The following H6PD variants were observed in gnomAD, a reference collection of about 807,000 sequenced individuals.
H6PD encodes the protein hexose-6-phosphate dehydrogenase/glucose 1-dehydrogenase, also known as GDH/6PGL endoplasmic bifunctional protein.
Under a neutral mutation model 61.2 loss-of-function variants are expected in H6PD, and 48 were observed. The ratio of observed to expected loss-of-function variants is 0.78; its 90% CI spans 0.62 to 1.00. H6PD has a LOEUF of 1.00. Ranked by LOEUF, H6PD falls within the 50% of genes least tolerant of loss-of-function variation. The pLI, the probability that H6PD is intolerant of heterozygous loss-of-function variation, is 0.00. For synonymous variants in H6PD, 480 were observed against 457.9 expected (o/e 1.05, Z -0.62); for missense variants, 1,093 against 1,065.0 (o/e 1.03, Z -0.37).
intron 3 of H6PD, among the ~76,000 whole-genome samples, chr1:9,252,567 T>C (rs1410736664): frequency 1.3e-5 from 2 of 152,226 alleles, no homozygotes; most frequent in Middle Eastern, 3.2e-3. Context: ...GAGCTTTTTT[T>C]AAAATTGAGA....
intron 3 of H6PD, among the ~76,000 whole-genome samples, chr1:9,252,285 A>G (rs1387715797): frequency 1.3e-5 from 2 of 152,246 alleles, no homozygotes; most frequent in Non-Finnish European, 2.9e-5. Context: ...TCTATGTATT[A>G]GCAGTCTGCA....
intron 3 of H6PD, among the ~76,000 whole-genome samples, chr1:9,249,358 T>TA (rs952640848): frequency 6.6e-6 from 1 of 152,144 alleles, no homozygotes; most frequent in African/African-American, 2.4e-5. Context: ...ACACGGAAGA[T>TA]ATGAAAGACA....
At chr1:9,251,158 A>C (rs1035039620) in intron 3 of H6PD, among the ~76,000 whole-genome samples, 2 of 152,054 alleles carry the variant, frequency 1.3e-5, no homozygotes, top group Non-Finnish European at 2.9e-5. Context: ...CCCAGAGATG[A>C]CCCTGGCTGG....
At chr1:9,241,972 A>G (rs1050867113) in intron 1 of H6PD, among the ~76,000 whole-genome samples, 1 of 152,180 alleles carries the variant, frequency 6.6e-6, no homozygotes, top group African/African-American at 2.4e-5. Context: ...CTTGGTTAAC[A>G]TAGGTATTAT....
chr1:9,255,568 C>T (rs1444040558), intron 3 of H6PD, among the ~76,000 whole-genome samples: 1 of 152,170 alleles, frequency 6.6e-6, no homozygotes, highest in African/African-American at 2.4e-5. Context: ...AAGCATAAGC[C>T]ACTGTGCCAG....
chr1:9,240,328 A>G (rs1275565951), intron 1 of H6PD, among the ~76,000 whole-genome samples: 1 of 152,078 alleles, frequency 6.6e-6, no homozygotes, highest in African/African-American at 2.4e-5. Context: ...TTGGCTTCAT[A>G]TTTTAGTTCT....
At chr1:9,237,204 C>G (rs1640874200) in intron 1 of H6PD, among the ~76,000 whole-genome samples, 1 of 143,776 alleles carries the variant, frequency 7.0e-6, no homozygotes. Flanking sequence ...TCACCTCTAG[C>G]TGCTTGACCT....
Position 9,264,854 on chromosome 1 carries a change from C to T in H6PD, c.2361C>T (p.Asp787=), listed in dbSNP as rs766210010. The T allele has an allele frequency of 1.3e-5, 21 of 1,611,812 alleles. No homozygotes were observed. In the Middle Eastern group the frequency reaches 1.7e-3, roughly 132 times the overall value. The change falls in exon 5 of 5, where the codon GAC becomes GAT. Residue 787 remains aspartate (D), a synonymous_variant. Transcript: ENST00000377403. ...SGQLVWYMDY[D]AFLG is the part of the protein sequence containing the mutation. ...AGCTGGTGTGGTACATGGACTACGACGCCTTCCTGGGATGAGGGCGCCTGT... is the reference window on the plus strand; with the variant it reads ...AGCTGGTGTGGTACATGGACTACGATGCCTTCCTGGGATGAGGGCGCCTGT...
At chr1:9,243,329 C>T (rs924133916) in intron 1 of H6PD, among the ~76,000 whole-genome samples, 1 of 152,170 alleles carries the variant, frequency 6.6e-6, no homozygotes, top group African/African-American at 2.4e-5. Flanking sequence ...CTCAACTTCT[C>T]CATTTGTATT....
rs559416537 is a variant in H6PD, at chr1:9,265,859, G to A, written c.*990G>A. 59 of 152,290 alleles carry A rather than the reference G, an allele frequency of 3.9e-4. No homozygotes were observed. Among genetic ancestry groups the A allele is most frequent in the African/African-American group, 1.4e-3 (57 of 41,522 alleles). 9.4% of individuals were successfully genotyped at this position (152,290 alleles called of 1,614,324 possible). On this transcript the variant is annotated 3_prime_UTR_variant, in exon 5 of 5. Transcript: ENST00000377403. Reference sequence around the variant, plus strand: ...GATGACTTGCTCTGCGTGGGGAGGTGGGGTCTCATTCCCCCAACTTCCTCA... The same window carrying A: ...GATGACTTGCTCTGCGTGGGGAGGTAGGGTCTCATTCCCCCAACTTCCTCA...
intron 3 of H6PD, among the ~76,000 whole-genome samples, chr1:9,259,502 T>C (rs1484507923): frequency 1.3e-5 from 2 of 148,554 alleles, no homozygotes; most frequent in African/African-American, 5.3e-5. Context: ...GTTACGCCAG[T>C]GTTGTTACGT....
At chr1:9,243,004 G>A (rs1641044489) in intron 1 of H6PD, 1 of 979,658 alleles carries the variant, frequency 1.0e-6, no homozygotes. Flanking sequence ...GCAGATACAG[G>A]GAGAGTGGGA....
intron 2 of H6PD, among the ~76,000 whole-genome samples, 161 bp from the exon 3 acceptor site, chr1:9,246,805 C>A (rs1002468938): frequency 2.0e-5 from 3 of 152,128 alleles, no homozygotes; most frequent in Non-Finnish European, 2.9e-5. Flanking sequence ...GTTTTTGGAA[C>A]CTTTACTGGC....
chr1:9,242,573 A>T (rs573884370), intron 1 of H6PD: 1 of 985,456 alleles, frequency 1.0e-6, no homozygotes, highest in African/African-American at 1.7e-5. Context: ...TCAGAACAGG[A>T]TTAAAGAGAG....
At chr1:9,263,413 G>T (rs1570124849) in intron 4 of H6PD, 96 bp from the exon 5 acceptor site, 1 of 1,111,190 alleles carries the variant, frequency 9.0e-7, no homozygotes, top group South Asian at 1.3e-5. Context: ...CCTGAGGCAG[G>T]GGGACGCCCA....
chr1:9,239,678 G>A (rs1432415554), intron 1 of H6PD, among the ~76,000 whole-genome samples: 1 of 152,212 alleles, frequency 6.6e-6, no homozygotes, highest in Non-Finnish European at 1.5e-5. Flanking sequence ...CATGGGTCAT[G>A]ATTTGAAGAA....
chr1:9,259,427 C>T (rs1224203514), intron 3 of H6PD, among the ~76,000 whole-genome samples: 1 of 152,010 alleles, frequency 6.6e-6, no homozygotes, highest in African/African-American at 2.4e-5. Flanking sequence ...CTTGTTGTTA[C>T]ACCAGTGTTA....
intron 1 of H6PD, among the ~76,000 whole-genome samples, chr1:9,241,880 C>T (rs977304665): frequency 6.6e-6 from 1 of 152,150 alleles, no homozygotes; most frequent in African/African-American, 2.4e-5. Context: ...TAGAATGAGA[C>T]TCCTCACAGA....
chr1:9,239,235 C>T (rs6685399), intron 1 of H6PD, among the ~76,000 whole-genome samples: 38,313 of 151,864 alleles, frequency 0.25, 6,339 homozygotes, highest in African/African-American at 0.47. Context: ...TTAGTAGAAA[C>T]GGGTTTTTGC....
Sources: gnomAD v4.1 joint callset for allele counts (sites outside exome capture counted in the v4.1 genomes callset) on GRCh38, gnomAD v4.1.1 for gene constraint, MANE v1.5 for transcripts, NCBI Gene and HGNC (gene_info 2026-07-23, HGNC 2026-07-21) for gene names.